The following PLXNA4 variants were observed in gnomAD, a reference collection of about 807,000 sequenced individuals.
PLXNA4 encodes plexin A4, also known as plexin-A4.
Under a neutral mutation model 191.8 loss-of-function variants are expected in PLXNA4, and 44 were observed. That is an observed-to-expected ratio of 0.23 (90% CI 0.18 to 0.29). PLXNA4 has a LOEUF of 0.29. Ranked by LOEUF, PLXNA4 falls within the 10% of genes least tolerant of loss-of-function variation. PLXNA4 has a pLI of 1.00. For synonymous variants in PLXNA4, 1,082 were observed against 1,009.5 expected (o/e 1.07, Z -1.36); for missense variants, 1,800 against 2,488.8 (o/e 0.72, Z 5.89).
intron 1 of PLXNA4, among the ~76,000 whole-genome samples, chr7:132,525,529 A>T (rs949081822): frequency 1.3e-5 from 2 of 152,226 alleles, no homozygotes; most frequent in Non-Finnish European, 2.9e-5. Context: ...GATTACAGGC[A>T]TGAAAGATGG....
intron 2 of PLXNA4, among the ~76,000 whole-genome samples, chr7:132,497,812 A>C (rs1428918108): frequency 6.6e-6 from 1 of 152,168 alleles, no homozygotes; most frequent in Non-Finnish European, 1.5e-5. Flanking sequence ...CATGGAAACA[A>C]TGCTGGAGTG....
chr7:132,202,928 C>T, intron 11 of PLXNA4, 92 bp from the exon 12 acceptor site: 1 of 1,317,380 alleles, frequency 7.6e-7, no homozygotes, highest in Non-Finnish European at 1.0e-6. Context: ...CAGTGCCAGC[C>T]TGGGGTGATG....
At chr7:132,564,610 C>T (rs1801628714) in intron 1 of PLXNA4, among the ~76,000 whole-genome samples, 1 of 152,204 alleles carries the variant, frequency 6.6e-6, no homozygotes, top group South Asian at 2.1e-4. Flanking sequence ...TTCATCTCCA[C>T]ACAAATTCTC....
At chr7:132,295,966 A>T (rs1204475476) in intron 4 of PLXNA4, among the ~76,000 whole-genome samples, 1 of 152,264 alleles carries the variant, frequency 6.6e-6, no homozygotes, top group East Asian at 1.9e-4. Context: ...AACTTACCAG[A>T]GACTACATTT....
At chr7:132,524,929 A>G (rs1354549972) in intron 1 of PLXNA4, among the ~76,000 whole-genome samples, 3 of 152,328 alleles carry the variant, frequency 2.0e-5, no homozygotes, top group Non-Finnish European at 2.9e-5. Context: ...TACATTACAT[A>G]AAAGTTACAA....
At chr7:132,626,099 C>T (rs1803365503) in intron 2 of PLXNA4, among the ~76,000 whole-genome samples, 1 of 152,182 alleles carries the variant, frequency 6.6e-6, no homozygotes. Context: ...TGGTGGTATA[C>T]CAGATGATCC....
At chr7:132,618,759 T>C (rs1033642117) in intron 2 of PLXNA4, among the ~76,000 whole-genome samples, 1 of 152,202 alleles carries the variant, frequency 6.6e-6, no homozygotes, top group African/African-American at 2.4e-5. Flanking sequence ...TTAAATTCCA[T>C]TTACAAATTA....
intron 1 of PLXNA4, among the ~76,000 whole-genome samples, chr7:132,542,365 T>C (rs1484251354): frequency 6.6e-6 from 1 of 152,116 alleles, no homozygotes; most frequent in Non-Finnish European, 1.5e-5. Flanking sequence ...GATGAGGGCG[T>C]GGGGGAATAG....
At chr7:132,545,806 T>C (rs1800278428) in intron 1 of PLXNA4, among the ~76,000 whole-genome samples, 1 of 152,160 alleles carries the variant, frequency 6.6e-6, no homozygotes, top group Admixed American at 6.5e-5. Flanking sequence ...AGGGAGAGGT[T>C]TGACTGACTG....
intron 3 of PLXNA4, chr7:132,383,748 CA>C: frequency 2.0e-6 from 2 of 984,690 alleles, no homozygotes; most frequent in Non-Finnish European, 2.4e-6. Context: ...ACCCTTGAAA[CA>C]AATTAGAATT....
chr7:132,515,333 G>A (rs1188253871), intron 1 of PLXNA4, among the ~76,000 whole-genome samples: 1 of 152,202 alleles, frequency 6.6e-6, no homozygotes, highest in Admixed American at 6.5e-5. Flanking sequence ...TCTCAATTGT[G>A]TCCACTGAAG....
intron 3 of PLXNA4, among the ~76,000 whole-genome samples, chr7:132,434,220 C>T (rs755350588): frequency 4.6e-5 from 7 of 152,206 alleles, no homozygotes; most frequent in African/African-American, 7.2e-5. Context: ...TTTGGCACTC[C>T]GGTGCTGGCT....
At chr7:132,352,417 C>A (rs370275243) in intron 3 of PLXNA4, 2 of 152,282 alleles carry the variant, frequency 1.3e-5, no homozygotes, top group South Asian at 2.1e-4. Flanking sequence ...CCAGCCTCCC[C>A]CTCCTGCTTC....
chr7:132,564,102 C>G lies in PLXNA4; in HGVS notation c.-87+12320G>C, dbSNP rs1585355278. Among the ~76,000 whole-genome samples, 2 of 132,478 alleles carry G rather than the reference C, an allele frequency of 1.5e-5. 1 individual carries two copies. Among genetic ancestry groups the G allele is most frequent in the Admixed American group, 1.5e-4 (2 of 13,560 alleles). 86.9% of individuals were successfully genotyped at this position (132,478 alleles called of 152,430 possible). A position where few individuals can be genotyped will look rare whatever the true frequency, so the allele number is the denominator to read the frequency against. ...TCCTCCTTCTCTTCCTCCTCCTCCT[C>G]CTCCTTCTCCTCCTCCTCTTCTTTC... is the stretch of plus-strand genomic sequence containing the variant. On this transcript the variant is annotated intron_variant, in intron 1 of 31. Coordinates refer to ENST00000321063, the MANE Select transcript of PLXNA4 (RefSeq NM_020911.2).
intron 6 of PLXNA4, among the ~76,000 whole-genome samples, chr7:132,227,891 G>C (rs568527465): frequency 5.9e-5 from 9 of 152,288 alleles, no homozygotes; most frequent in Non-Finnish European, 1.0e-4. Context: ...ATTTTGATCA[G>C]GACTGAGGCA....
chr7:132,377,938 G>T (rs1013675609), intron 3 of PLXNA4, among the ~76,000 whole-genome samples: 3 of 152,132 alleles, frequency 2.0e-5, no homozygotes, highest in Admixed American at 1.3e-4. Context: ...AGCTGAAACT[G>T]TGGTATGGGA....
intron 2 of PLXNA4, among the ~76,000 whole-genome samples, chr7:132,604,133 C>T (rs1445641446): frequency 4.5e-5 from 2 of 44,190 alleles, no homozygotes; most frequent in East Asian, 4.2e-4. Context: ...ACTCCACTAC[C>T]CCTCTGTGTT....
intron 1 of PLXNA4, among the ~76,000 whole-genome samples, chr7:132,563,359 TCTCCTCCTC>T (rs1162094997): frequency 1.0e-4 from 2 of 19,650 alleles, no homozygotes; most frequent in Non-Finnish European, 1.9e-4. Flanking sequence ...TTCTCCTCCT[TCTCCTCCTC>T]CTCCTCCTTC....
At chr7:132,313,576 A>C (rs1801830167) in intron 3 of PLXNA4, among the ~76,000 whole-genome samples, 2 of 152,036 alleles carry the variant, frequency 1.3e-5, no homozygotes, top group Non-Finnish European at 2.9e-5. Flanking sequence ...AGTTGAAGGG[A>C]ATGCCGTGTG....
Sources: gnomAD v4.1 joint callset for allele counts (sites outside exome capture counted in the v4.1 genomes callset) on GRCh38, gnomAD v4.1.1 for gene constraint, MANE v1.5 for transcripts, NCBI Gene and HGNC (gene_info 2026-07-23, HGNC 2026-07-21) for gene names.